CDH4: variants seen among roughly 807,000 people sequenced by gnomAD.
The protein encoded by CDH4 is cadherin 4.
In CDH4, 33 loss-of-function variants were observed where a neutral mutation model predicts 86.0. That is an observed-to-expected ratio of 0.38 (90% CI 0.29 to 0.51). The LOEUF is 0.51. CDH4 is among the 20% of genes least tolerant of loss of function. The pLI is 0.86. For missense variants in CDH4, 1,114 were observed against 1,307.4 expected (o/e 0.85, Z 2.28); for synonymous variants, 555 against 549.4 (o/e 1.01, Z -0.14).
At chr20:61,586,985 C>T (rs2086481767) in intron 2 of CDH4, among the ~76,000 whole-genome samples, 1 of 152,230 alleles carries the variant, frequency 6.6e-6, no homozygotes. Flanking sequence ...AAGGGAGAGG[C>T]TGCTCTCCCA....
intron 2 of CDH4, among the ~76,000 whole-genome samples, chr20:61,502,754 T>A (rs1395434349): frequency 6.6e-6 from 1 of 152,232 alleles, no homozygotes. Flanking sequence ...TCTTTTTTGT[T>A]ACTGGCAGAA....
intron 2 of CDH4, among the ~76,000 whole-genome samples, chr20:61,736,826 CCACAA>C (rs2088272255): frequency 1.3e-5 from 2 of 152,156 alleles, no homozygotes; most frequent in Admixed American, 6.5e-5. Flanking sequence ...GAAACTCCAT[CCACAA>C]CACAACCAAG....
chr20:61,423,812 C>T (rs1046992987), intron 2 of CDH4, among the ~76,000 whole-genome samples: 1 of 152,152 alleles, frequency 6.6e-6, no homozygotes, highest in Non-Finnish European at 1.5e-5. Context: ...TGGATGGTCC[C>T]GTCGCAATCA....
chr20:61,639,793 G>T (rs1402430145), intron 2 of CDH4, among the ~76,000 whole-genome samples: 1 of 152,064 alleles, frequency 6.6e-6, no homozygotes, highest in Non-Finnish European at 1.5e-5. Flanking sequence ...TTCTTGGTGG[G>T]CTTTAGGTCA....
intron 2 of CDH4, among the ~76,000 whole-genome samples, chr20:61,716,589 C>T (rs2087957491): frequency 6.6e-6 from 1 of 152,212 alleles, no homozygotes; most frequent in South Asian, 2.1e-4. Context: ...CAAAGAAAGA[C>T]TCACCAAAGC....
intron 2 of CDH4, among the ~76,000 whole-genome samples, chr20:61,549,273 TA>T (rs2086110435): frequency 6.6e-6 from 1 of 152,164 alleles, no homozygotes; most frequent in Admixed American, 6.5e-5. Flanking sequence ...GTTGGAGTTT[TA>T]TGGGCATAAA....
chr20:61,594,980 C>A (rs1214782132), intron 2 of CDH4, among the ~76,000 whole-genome samples: 3 of 152,200 alleles, frequency 2.0e-5, no homozygotes, highest in African/African-American at 7.2e-5. Flanking sequence ...CTCTTTACCC[C>A]AGCGCTGGCC....
intron 4 of CDH4, among the ~76,000 whole-genome samples, chr20:61,774,500 C>T (rs905164862): frequency 2.6e-5 from 4 of 152,250 alleles, no homozygotes; most frequent in African/African-American, 7.2e-5. Flanking sequence ...TAAAATTCGT[C>T]TCAAAGTGAT....
intron 2 of CDH4, among the ~76,000 whole-genome samples, chr20:61,351,937 G>A (rs1271514734): frequency 3.9e-5 from 6 of 152,116 alleles, no homozygotes; most frequent in Admixed American, 2.6e-4. Context: ...GGCTGGTCTC[G>A]AACTCCTGGC....
rs1327055493 is a variant in CDH4 at position 61,703,557 on chromosome 20, A to G, written c.170-40006A>G. On this transcript the variant is annotated intron_variant, in intron 2 of 15. Coordinates refer to ENST00000614565, the MANE Select transcript of CDH4 (RefSeq NM_001794.5). The surrounding 1 kb of genome is among the most constrained non-coding windows in gnomAD (Gnocchi z 4.3). ...GAGTGAGGTCAGGTGTGGGGATCAA[A>G]GCTCCTCGTCCCCAGCTTGTGTCCC... Among the ~76,000 whole-genome samples, 1 of 152,180 alleles carries G rather than the reference A, an allele frequency of 6.6e-6. No individual in the cohort carries two copies. The highest frequency in any genetic ancestry group is 1.5e-5 in the Non-Finnish European group (1 of 68,022).
At chr20:61,445,515 C>T (rs1161165422) in intron 2 of CDH4, among the ~76,000 whole-genome samples, 1 of 152,086 alleles carries the variant, frequency 6.6e-6, no homozygotes, top group Non-Finnish European at 1.5e-5. Context: ...CTGGGCAAGA[C>T]CAATGCCCCT....
chr20:61,889,541 TGGATGA>T, intron 7 of CDH4, among the ~76,000 whole-genome samples: 1 of 148,174 alleles, frequency 6.7e-6, no homozygotes, highest in East Asian at 2.1e-4. Flanking sequence ...AAGTGGATGG[TGGATGA>T]TGGATGATGG....
intron 4 of CDH4, among the ~76,000 whole-genome samples, chr20:61,777,992 A>G (rs1978343660): frequency 6.6e-6 from 1 of 152,226 alleles, no homozygotes; most frequent in Non-Finnish European, 1.5e-5. Flanking sequence ...ATGCACACAC[A>G]CGTGCACACT....
intron 2 of CDH4, among the ~76,000 whole-genome samples, chr20:61,461,200 A>ATTTT (rs2145558814): frequency 1.3e-5 from 2 of 152,202 alleles, no homozygotes; most frequent in African/African-American, 4.8e-5. Flanking sequence ...TTTTTTTTAA[A>ATTTT]AAAAATGCAA....
At chr20:61,690,788 G>A (rs557667115) in intron 2 of CDH4, among the ~76,000 whole-genome samples, 2 of 152,228 alleles carry the variant, frequency 1.3e-5, no homozygotes, top group East Asian at 3.9e-4. Context: ...TTTGGTGATG[G>A]CATAGCCTTC....
rs1405819110 is a variant in CDH4, at chr20:61,807,964, G to A, written c.576+34782G>A. Reference sequence around the variant, plus strand: ...TCTGGGTGCCGCCTCAGGGCAAGCTGCCATAGCAGCGATGAGCCCACACAC... The same window carrying A: ...TCTGGGTGCCGCCTCAGGGCAAGCTACCATAGCAGCGATGAGCCCACACAC... On this transcript the variant is annotated intron_variant, in intron 4 of 15. Coordinates refer to ENST00000614565, the MANE Select transcript of CDH4 (RefSeq NM_001794.5). This position sits in a 1 kb window ranked among gnomAD's most constrained non-coding sequence, Gnocchi z 4.5. Among the ~76,000 whole-genome samples the A allele has an allele frequency of 6.6e-6, 1 of 152,196 alleles. No individual in the cohort carries two copies. The highest frequency in any genetic ancestry group is 2.4e-5 in the African/African-American group (1 of 41,444).
chr20:61,539,842 A>G (rs140088263), intron 2 of CDH4, among the ~76,000 whole-genome samples: 16 of 152,348 alleles, frequency 1.1e-4, no homozygotes, highest in African/African-American at 3.4e-4. Context: ...AGCTGAGCAC[A>G]TGACTATGCC....
intron 2 of CDH4, among the ~76,000 whole-genome samples, chr20:61,268,557 A>C (rs2084168624): frequency 6.6e-6 from 1 of 152,112 alleles, no homozygotes; most frequent in Admixed American, 6.5e-5. Context: ...CTCTTGTTGA[A>C]ATGTGATCCC....
rs1021770324 is a variant in CDH4 at position 61,708,779 on chromosome 20, C to T, written c.170-34784C>T. 2.0e-5 allele frequency among the ~76,000 whole-genome samples: 3 copies of T among 152,206 alleles called. No individual in the cohort carries two copies. Among genetic ancestry groups the T allele is most frequent in the Non-Finnish European group, 2.9e-5 (2 of 68,036 alleles). On this transcript the variant is annotated intron_variant, in intron 2 of 15. Coordinates refer to ENST00000614565, the MANE Select transcript of CDH4 (RefSeq NM_001794.5). This position sits in a 1 kb window ranked among gnomAD's most constrained non-coding sequence, Gnocchi z 4.5. ...CCCTTCTCTGAGTGTGCATCATGGA[C>T]GGGCATCTCCTCTGCAGGCTGTTTG...
Sources: gnomAD v4.1 joint callset for allele counts (sites outside exome capture counted in the v4.1 genomes callset) on GRCh38, gnomAD v4.1.1 for gene constraint, Gnocchi (gnomAD v3.1) non-coding constraint, MANE v1.5 for transcripts, NCBI Gene and HGNC (gene_info 2026-07-23, HGNC 2026-07-21) for gene names.